TBCK: variants seen among roughly 807,000 people sequenced by gnomAD.
The protein encoded by TBCK is TBC1 domain containing kinase, also known as TBC domain-containing protein kinase-like protein.
TBCK carries 99 observed loss-of-function variants against 113.4 expected under a neutral mutation model. The observed-to-expected ratio is 0.87, with a 90% CI of 0.74 to 1.03. The LOEUF is 1.03. TBCK is among the 50% of genes least tolerant of loss of function. The probability of loss-of-function intolerance (pLI) is 0.00; values close to 1 mark genes in which losing one functional copy is unlikely to be tolerated. For missense variants in TBCK, 1,045 were observed against 1,061.3 expected (o/e 0.98, Z 0.21); for synonymous variants, 369 against 370.8 (o/e 1.00, Z 0.05).
intron 8 of TBCK, among the ~76,000 whole-genome samples, 152 bp downstream of exon 8, chr4:106,248,765 GCCCT>G (rs1211877898): frequency 6.6e-6 from 1 of 152,172 alleles, no homozygotes; most frequent in Non-Finnish European, 1.5e-5. Context: ...GAAGACTGCA[GCCCT>G]CACCAGACGA....
chr4:106,169,949 G>A (rs369282642), intron 23 of TBCK, among the ~76,000 whole-genome samples: 1 of 152,034 alleles, frequency 6.6e-6, no homozygotes, highest in African/African-American at 2.4e-5. Flanking sequence ...TAATCTGACA[G>A]GAAGCAGCGC....
intron 19 of TBCK, among the ~76,000 whole-genome samples, chr4:106,221,340 C>A (rs1579298201): frequency 6.6e-6 from 1 of 152,104 alleles, no homozygotes; most frequent in African/African-American, 2.4e-5. Flanking sequence ...TATACACACA[C>A]ACACAGACAT....
intron 23 of TBCK, among the ~76,000 whole-genome samples, chr4:106,145,641 T>C (rs962350031): frequency 2.6e-5 from 4 of 152,198 alleles, no homozygotes; most frequent in Non-Finnish European, 5.9e-5. Flanking sequence ...AAGAAGATAA[T>C]GTATGTCTTC....
intron 25 of TBCK, among the ~76,000 whole-genome samples, chr4:106,092,460 T>C (rs1166530979): frequency 1.3e-5 from 2 of 152,134 alleles, no homozygotes; most frequent in East Asian, 1.9e-4. Flanking sequence ...GCAGCACTCG[T>C]TGGGGAGTCT....
chr4:106,149,951 A>G (rs532026007), intron 23 of TBCK, among the ~76,000 whole-genome samples: 1 of 152,340 alleles, frequency 6.6e-6, no homozygotes, highest in African/African-American at 2.4e-5. Context: ...AAAGCAGGGA[A>G]TGTAACTTTT....
intron 23 of TBCK, among the ~76,000 whole-genome samples, chr4:106,121,440 C>T (rs1438810993): frequency 4.8e-5 from 7 of 145,788 alleles, no homozygotes; most frequent in Non-Finnish European, 3.0e-5. Flanking sequence ...CTTTAACACC[C>T]CACTGTCAAC....
At chr4:106,194,235 T>G (rs1753967094) in intron 21 of TBCK, among the ~76,000 whole-genome samples, 1 of 152,126 alleles carries the variant, frequency 6.6e-6, no homozygotes, top group Admixed American at 6.6e-5. Context: ...CATAAATATC[T>G]ACTTCAAATA....
intron 3 of TBCK, among the ~76,000 whole-genome samples, chr4:106,287,149 A>G (rs2125812672): frequency 6.6e-6 from 1 of 152,188 alleles, no homozygotes; most frequent in African/African-American, 2.4e-5. Flanking sequence ...CATGGATAAC[A>G]TCAATTTTCA....
chr4:106,309,262 G>T (rs1374347911), intron 1 of TBCK, among the ~76,000 whole-genome samples: 2 of 150,132 alleles, frequency 1.3e-5, no homozygotes, highest in South Asian at 2.1e-4. Flanking sequence ...AAGAGTAGAG[G>T]AAGTTTGTTA....
At chr4:106,301,359 T>C (rs569658738) in intron 2 of TBCK, among the ~76,000 whole-genome samples, 3 of 152,218 alleles carry the variant, frequency 2.0e-5, no homozygotes, top group Admixed American at 1.3e-4. Context: ...GGATAATCAA[T>C]ACCAAATAAA....
At chr4:106,127,394 T>G (rs1745357292) in intron 23 of TBCK, among the ~76,000 whole-genome samples, 1 of 152,100 alleles carries the variant, frequency 6.6e-6, no homozygotes, top group Admixed American at 6.6e-5. Context: ...GTAAATGGAC[T>G]GAGTGCGTGC....
intron 2 of TBCK, among the ~76,000 whole-genome samples, chr4:106,296,190 A>G (rs914618225): frequency 5.3e-5 from 8 of 152,174 alleles, no homozygotes; most frequent in Non-Finnish European, 1.2e-4. Flanking sequence ...TAATGAATCT[A>G]AGAGGAATAA....
rs1426046697 is a variant in TBCK at position 106,125,854 on chromosome 4, C to G, written c.2236-9476G>C. Among the ~76,000 whole-genome samples the G allele has an allele frequency of 2.6e-5, 4 of 152,122 alleles. No individual in the cohort carries two copies. In the East Asian group the frequency reaches 7.7e-4, roughly 29 times the overall value. ...AGTACTCAATAGCACAGAAGAGTGA[C>G]TATAGTTAACAATAATTTATTGTGT... is the stretch of plus-strand genomic sequence containing the variant. On this transcript the variant is annotated intron_variant, in intron 23 of 25. Transcript: ENST00000394708.
At chr4:106,211,563 C>T (rs1233770579) in intron 20 of TBCK, among the ~76,000 whole-genome samples, 2 of 151,968 alleles carry the variant, frequency 1.3e-5, no homozygotes, top group East Asian at 1.9e-4. Flanking sequence ...TCTGTGTGCC[C>T]CAGGTCTCAA....
At position 106,046,682 on chromosome 4, in the gene TBCK, T is replaced by TG; in HGVS notation, c.2572-3dup. 6.3e-7 allele frequency: 1 copy of TG among 1,576,458 alleles called. No homozygotes were observed. The highest frequency in any genetic ancestry group is 8.7e-7 in the Non-Finnish European group (1 of 1,153,954). On this transcript the variant is annotated splice_polypyrimidine_tract_variant and splice_region_variant and intron_variant, in intron 25 of 25. Coordinates refer to ENST00000394708, the MANE Select transcript of TBCK (RefSeq NM_001163435.3). ...CATCTTCACAAGGTGAGCTGCAAACTGGAAAAAAAAAGAGGCAAAATTTTT... is the reference window on the plus strand; with the variant it reads ...CATCTTCACAAGGTGAGCTGCAAACTGGGAAAAAAAAAGAGGCAAAATTTTT...
At position 106,199,913 on chromosome 4, in the gene TBCK, G is replaced by C. The variant is rs1754686178; in HGVS notation, c.1861-5159C>G. Reference sequence around the variant, plus strand: ...TCGATTTTTCTCAGCATAGCAGCCAGAATGACCTTGTTAAAATCTTTACAT... The same window carrying C: ...TCGATTTTTCTCAGCATAGCAGCCACAATGACCTTGTTAAAATCTTTACAT... On this transcript the variant is annotated intron_variant, in intron 20 of 25. Coordinates refer to ENST00000394708, the MANE Select transcript of TBCK (RefSeq NM_001163435.3). Among the ~76,000 whole-genome samples the C allele has an allele frequency of 2.0e-5, 3 of 152,278 alleles. No homozygotes were observed. The South Asian group carries it at 6.2e-4, about 32-fold the overall frequency.
At position 106,116,281 on chromosome 4, in the gene TBCK, C is replaced by T. The variant is rs1167798596; in HGVS notation, c.2333G>A (p.Gly778Asp). Residue 778 changes from glycine (G) to aspartate (D), a missense_variant, in exon 24 of 26, where the codon GGC becomes GAC. By Grantham distance (94) the Gly-to-Asp change is moderately conservative. Coordinates refer to ENST00000394708, the MANE Select transcript of TBCK (RefSeq NM_001163435.3). ...LIDLCELTVT[G>D]HFKTPSKKTK... ...TTTCTTGCTGGGTGTTTTGAAGTGGCCTGTCACTGTGAGCTCACACAAGTC... is the reference window on the plus strand; with the variant it reads ...TTTCTTGCTGGGTGTTTTGAAGTGGTCTGTCACTGTGAGCTCACACAAGTC... The T allele has an allele frequency of 6.2e-7, 1 of 1,613,792 alleles. No homozygotes were observed. The highest frequency in any genetic ancestry group is 1.3e-5 in the African/African-American group (1 of 74,816).
intron 23 of TBCK, among the ~76,000 whole-genome samples, chr4:106,143,667 C>G (rs1242343601): frequency 6.6e-6 from 1 of 152,120 alleles, no homozygotes; most frequent in East Asian, 1.9e-4. Context: ...GTAATCCCAG[C>G]ACTTTGGGAG....
chr4:106,244,082 C>T lies in TBCK; in HGVS notation c.1070+544G>A, dbSNP rs774887493. Reference sequence around the variant, plus strand: ...ATAGCAATGTTAATAACAATCTTAGCCCCAAGGCTGTAGAGGTATTTAACT... The same window carrying T: ...ATAGCAATGTTAATAACAATCTTAGTCCCAAGGCTGTAGAGGTATTTAACT... On this transcript the variant is annotated intron_variant, in intron 11 of 25. Coordinates refer to ENST00000394708, the MANE Select transcript of TBCK (RefSeq NM_001163435.3). 2.3e-4 allele frequency among the ~76,000 whole-genome samples: 35 copies of T among 152,080 alleles called. No individual in the cohort carries two copies. In the Middle Eastern group the frequency reaches 9.5e-3, roughly 41 times the overall value.
Sources: gnomAD v4.1 joint callset for allele counts (sites outside exome capture counted in the v4.1 genomes callset) on GRCh38, gnomAD v4.1.1 for gene constraint, MANE v1.5 for transcripts, NCBI Gene and HGNC (gene_info 2026-07-23, HGNC 2026-07-21) for gene names.